The following LRP1B variants were observed in gnomAD, a reference collection of about 807,000 sequenced individuals.
LRP1B encodes the protein LDL receptor related protein 1B.
In LRP1B, 217 loss-of-function variants were observed where a neutral mutation model predicts 556.6. The ratio of observed to expected loss-of-function variants is 0.39; its 90% CI spans 0.35 to 0.44. The LOEUF is 0.44. LRP1B is among the 20% of genes least tolerant of loss of function. The pLI is 1.00. For missense variants in LRP1B, 5,053 were observed against 5,620.8 expected, an observed-to-expected ratio of 0.90 and a Z score of 3.23; for synonymous variants, 2,047 against 1,865.8, an observed-to-expected ratio of 1.10 and a Z score of -2.50.
At chr2:140,352,089 G>T (rs1178987723) in intron 76 of LRP1B, among the ~76,000 whole-genome samples, 2 of 152,102 alleles carry the variant, frequency 1.3e-5, no homozygotes, top group East Asian at 3.9e-4. Flanking sequence ...TGAAGTTACA[G>T]TATTATTTAG....
intron 16 of LRP1B, among the ~76,000 whole-genome samples, chr2:140,993,099 A>G (rs939805559): frequency 6.6e-6 from 1 of 152,048 alleles, no homozygotes; most frequent in Non-Finnish European, 1.5e-5. Context: ...GATCTTTAAA[A>G]CTTCATTTGT....
At chr2:141,065,632 T>C (rs1699460492) in intron 7 of LRP1B, among the ~76,000 whole-genome samples, 3 of 151,896 alleles carry the variant, frequency 2.0e-5, no homozygotes, top group African/African-American at 7.2e-5. Context: ...TTATGCCTTT[T>C]GAACTGAAAT....
At chr2:140,784,239 C>T (rs191849963) in intron 32 of LRP1B, among the ~76,000 whole-genome samples, 233 of 152,210 alleles carry the variant, frequency 1.5e-3, no homozygotes, top group African/African-American at 4.4e-3. Context: ...AATTAGACCT[C>T]AGTCCCCTAC....
intron 2 of LRP1B, among the ~76,000 whole-genome samples, chr2:141,795,016 G>T (rs1421609069): frequency 6.6e-6 from 1 of 152,040 alleles, no homozygotes; most frequent in Non-Finnish European, 1.5e-5. Flanking sequence ...TATTGAAAAT[G>T]AGACCTTGAG....
At chr2:141,218,548 T>C (rs1485859756) in intron 6 of LRP1B, among the ~76,000 whole-genome samples, 1 of 152,000 alleles carries the variant, frequency 6.6e-6, no homozygotes, top group Non-Finnish European at 1.5e-5. Flanking sequence ...AACCAAACAC[T>C]ATATATTCTC....
chr2:140,435,157 A>G (rs1558880609), intron 66 of LRP1B, among the ~76,000 whole-genome samples: 1 of 152,200 alleles, frequency 6.6e-6, no homozygotes, highest in Non-Finnish European at 1.5e-5. Context: ...ACAGAAGCTT[A>G]TAATCTAAAA....
At chr2:141,245,018 A>C (rs1684014916) in intron 5 of LRP1B, among the ~76,000 whole-genome samples, 1 of 152,170 alleles carries the variant, frequency 6.6e-6, no homozygotes. Flanking sequence ...CTATTATTGT[A>C]AGATAACCTA....
intron 1 of LRP1B, among the ~76,000 whole-genome samples, chr2:142,121,093 A>C (rs1319875412): frequency 6.6e-6 from 1 of 152,138 alleles, no homozygotes; most frequent in Non-Finnish European, 1.5e-5. Flanking sequence ...TAATACATAG[A>C]ATGGTGCTGC....
chr2:141,457,377 C>T (rs1268031129), intron 3 of LRP1B, among the ~76,000 whole-genome samples: 1 of 152,040 alleles, frequency 6.6e-6, no homozygotes, highest in Non-Finnish European at 1.5e-5. Flanking sequence ...TAAGTGGGAG[C>T]TGAGCAATGA....
In LRP1B at chr2:140,858,076, G is replaced by A. The variant is rs545819345; in HGVS notation, c.4580-6293C>T. The stretch of plus-strand genomic sequence containing the variant: ...ATTTTGCCTCCCAAGAAACATTTGG[G>A]AATAAATTGAGACATTTTTGGTTGT... On this transcript the variant is annotated intron_variant, in intron 27 of 90. Transcript: ENST00000389484. Among the ~76,000 whole-genome samples the A allele has an allele frequency of 1.1e-4, 17 of 152,268 alleles. No individual in the cohort carries two copies. In the South Asian group the frequency reaches 3.5e-3, roughly 32 times the overall value.
chr2:141,584,671 A>G (rs1233607052), intron 2 of LRP1B, among the ~76,000 whole-genome samples: 1 of 152,222 alleles, frequency 6.6e-6, no homozygotes, highest in Non-Finnish European at 1.5e-5. Flanking sequence ...TCATGAAGTG[A>G]TTAACAACAT....
chr2:141,458,046 G>T (rs1681699435), intron 3 of LRP1B, among the ~76,000 whole-genome samples: 1 of 152,138 alleles, frequency 6.6e-6, no homozygotes. Context: ...TTTGTAAGTG[G>T]TTTTTGTTTG....
chr2:140,247,801 A>G lies in LRP1B; in HGVS notation c.13248-639T>C, dbSNP rs766312644. ...AAGAAGTAAAAGACAAGAATAATAG[A>G]TCTGATTAAAAGCCATTATTTAAAC... On this transcript the variant is annotated intron_variant, in intron 86 of 90. Coordinates refer to ENST00000389484, the MANE Select transcript of LRP1B (RefSeq NM_018557.3). Among the ~76,000 whole-genome samples, 64 of 151,716 alleles carry G rather than the reference A, an allele frequency of 4.2e-4. 1 individual carries two copies. The Middle Eastern group carries it at 0.014, about 32-fold the overall frequency.
At chr2:141,860,313 T>C (rs544147797) in intron 1 of LRP1B, among the ~76,000 whole-genome samples, 28 of 152,364 alleles carry the variant, frequency 1.8e-4, no homozygotes, top group Non-Finnish European at 3.4e-4. Flanking sequence ...TGTACTTTTA[T>C]ATTTTATATT....
chr2:141,967,443 A>G (rs1701595317), intron 1 of LRP1B, among the ~76,000 whole-genome samples: 1 of 151,940 alleles, frequency 6.6e-6, no homozygotes, highest in Non-Finnish European at 1.5e-5. Flanking sequence ...ACTGGATGAA[A>G]TATAGAGTAT....
At chr2:141,615,985 G>C (rs758902570) in intron 2 of LRP1B, among the ~76,000 whole-genome samples, 2 of 152,102 alleles carry the variant, frequency 1.3e-5, no homozygotes, top group African/African-American at 2.4e-5. Context: ...CCAAATCCTC[G>C]TTGTAAAAAA....
At chr2:140,542,152 ATGT>A (rs35162718) in intron 43 of LRP1B, among the ~76,000 whole-genome samples, 181 bp from the exon 44 acceptor site, 65,361 of 151,564 alleles carry the variant, frequency 0.43, 14,929 homozygotes, top group South Asian at 0.58. Flanking sequence ...TTTATTTAAA[ATGT>A]TGTAGTCATT....
rs1448139409 is a variant in LRP1B, at chr2:140,776,253, G to A, written c.5360-15C>T. The A allele has an allele frequency of 6.4e-7, 1 of 1,550,480 alleles. No homozygotes were observed. The highest frequency in any genetic ancestry group is 8.7e-7 in the Non-Finnish European group (1 of 1,147,720). ...CAGTTTCTTATCTAGAAAAAGGAAA[G>A]ATATTTTTTAAAGGAAAGTATAATT... On this transcript the variant is annotated splice_polypyrimidine_tract_variant and intron_variant, in intron 32 of 90. Coordinates refer to ENST00000389484, the MANE Select transcript of LRP1B (RefSeq NM_018557.3).
intron 49 of LRP1B, among the ~76,000 whole-genome samples, chr2:140,522,436 G>T (rs1690221562): frequency 6.6e-6 from 1 of 151,782 alleles, no homozygotes; most frequent in Non-Finnish European, 1.5e-5. Context: ...AGTATTAAAA[G>T]GAAGGTTTAT....
Sources: gnomAD v4.1 joint callset for allele counts (sites outside exome capture counted in the v4.1 genomes callset) on GRCh38, gnomAD v4.1.1 for gene constraint, MANE v1.5 for transcripts, NCBI Gene and HGNC (gene_info 2026-07-23, HGNC 2026-07-21) for gene names.